Variants in SEM1 observed in about 807,000 individuals in gnomAD.
The protein encoded by SEM1 is 26S proteasome complex subunit SEM1.
SEM1 carries 3 observed loss-of-function variants against 12.7 expected under a neutral mutation model. The ratio of observed to expected loss-of-function variants is 0.24; its 90% CI spans 0.11 to 0.61. The LOEUF is 0.61. Ranked by LOEUF, SEM1 falls within the 20% of genes least tolerant of loss-of-function variation. SEM1 has a pLI of 0.88. For missense variants in SEM1, 59 were observed against 81.3 expected, an observed-to-expected ratio of 0.73 and a Z score of 1.06; for synonymous variants, 30 against 27.8, an observed-to-expected ratio of 1.08 and a Z score of -0.25.
exon 3 of SEM1, chr7:96,673,676 T>C (rs1409640337): frequency 1.4e-6 from 1 of 731,120 alleles, no homozygotes; most frequent in Non-Finnish European, 2.5e-6. Flanking sequence ...ACATGACTAG[T>C]GCTCAATAAT....
intron 2 of SEM1, among the ~76,000 whole-genome samples, chr7:96,628,552 C>A (rs928473563): frequency 3.9e-5 from 6 of 152,144 alleles, no homozygotes; most frequent in African/African-American, 1.4e-4. Flanking sequence ...TATCCTCCCA[C>A]TTTTTAACTG....
In SEM1 at chr7:96,494,211, G is replaced by A. The variant is rs865989767; in HGVS notation, c.12+2073C>T. On this transcript the variant is annotated intron_variant, in intron 1 of 3. Transcript: ENST00000356686. Reference sequence around the variant, plus strand: ...TTTGCATTGTGGTGTACAAACTCGGGCCAGTGAATTTTCAAGGCAAAATGC... The same window carrying A: ...TTTGCATTGTGGTGTACAAACTCGGACCAGTGAATTTTCAAGGCAAAATGC... Among the ~76,000 whole-genome samples, 19 of 152,194 alleles carry A rather than the reference G, an allele frequency of 1.2e-4. No individual in the cohort carries two copies. The Middle Eastern group carries it at 0.01, about 82-fold the overall frequency.
chr7:96,575,931 A>C (rs1293176576), intron 2 of SEM1, among the ~76,000 whole-genome samples: 1 of 152,216 alleles, frequency 6.6e-6, no homozygotes, highest in Non-Finnish European at 1.5e-5. Context: ...AAGACGACAC[A>C]TGTACATCTA....
At chr7:96,537,243 T>C (rs1434094863) in intron 2 of SEM1, among the ~76,000 whole-genome samples, 2 of 151,742 alleles carry the variant, frequency 1.3e-5, no homozygotes, top group East Asian at 1.9e-4. Context: ...TCACTTCTCT[T>C]ATCTATATGT....
At chr7:96,511,697 C>T (rs1006039636) in intron 2 of SEM1, among the ~76,000 whole-genome samples, 1 of 151,878 alleles carries the variant, frequency 6.6e-6, no homozygotes, top group Admixed American at 6.6e-5. Flanking sequence ...CATCAAGGAC[C>T]ATCTAAAAAA....
At chr7:96,651,225 A>T (rs948825565) in intron 2 of SEM1, among the ~76,000 whole-genome samples, 2 of 152,220 alleles carry the variant, frequency 1.3e-5, no homozygotes, top group African/African-American at 4.8e-5. Context: ...CATGTTGGAA[A>T]AGGTGTTAGG....
chr7:96,568,675 C>T (rs1242003320), intron 2 of SEM1, among the ~76,000 whole-genome samples: 1 of 151,820 alleles, frequency 6.6e-6, no homozygotes, highest in African/African-American at 2.4e-5. Context: ...GATTTCTTCT[C>T]TCACCTGACA....
chr7:96,694,549 A>T (rs2115883131), intron 2 of SEM1, among the ~76,000 whole-genome samples: 1 of 152,136 alleles, frequency 6.6e-6, no homozygotes, highest in South Asian at 2.1e-4. Context: ...TAAGGATAAG[A>T]AATAGCAAAT....
At chr7:96,490,714 A>C (rs965150874) in intron 1 of SEM1, among the ~76,000 whole-genome samples, 1 of 152,216 alleles carries the variant, frequency 6.6e-6, no homozygotes, top group African/African-American at 2.4e-5. Flanking sequence ...AAACGTGATC[A>C]CATTGGAAGG....
chr7:96,506,525 A>G (rs1323004448), intron 3 of SEM1: 1 of 152,102 alleles, frequency 6.6e-6, no homozygotes, highest in East Asian at 1.9e-4. Flanking sequence ...GGAAACTCCA[A>G]AATTTAAATG....
At chr7:96,621,899 A>G (rs1807904473), downstream of SEM1, 1 of 152,240 alleles carries the variant, frequency 6.6e-6, no homozygotes, top group Non-Finnish European at 1.5e-5. Flanking sequence ...CTTCTTCCCT[A>G]TAGCTCAGGT....
chr7:96,666,831 G>A (rs560655477), intron 2 of SEM1, among the ~76,000 whole-genome samples: 7 of 151,928 alleles, frequency 4.6e-5, no homozygotes, highest in East Asian at 1.9e-4. Flanking sequence ...ATGTTCGTCC[G>A]GATCCCTGCA....
rs57641153 is a variant in SEM1 at position 96,568,238 on chromosome 7, ATT to A, written c.171-61542_171-61541del. Reference sequence around the variant, plus strand: ...ATTTAAGTTTCTAGAAATGTCAACCATTTTTTTTAGATTTTTAAAATCCATAT... The same window carrying A: ...ATTTAAGTTTCTAGAAATGTCAACCATTTTTTAGATTTTTAAAATCCATAT... On this transcript the variant is annotated intron_variant and NMD_transcript_variant, in intron 2 of 3. Transcript: ENST00000466986. Among the ~76,000 whole-genome samples the A allele has an allele frequency of 1.7e-3, 255 of 151,318 alleles. 2 individuals are homozygous for A. Among genetic ancestry groups the A allele is most frequent in the African/African-American group, 5.7e-3 (235 of 41,340 alleles).
At chr7:96,516,493 T>C (rs1424354343) in intron 2 of SEM1, among the ~76,000 whole-genome samples, 1 of 152,154 alleles carries the variant, frequency 6.6e-6, no homozygotes. Context: ...TCTCCACCTC[T>C]TATATTACCA....
chr7:96,656,999 T>C (rs940865852), intron 2 of SEM1, among the ~76,000 whole-genome samples: 9 of 152,152 alleles, frequency 5.9e-5, no homozygotes, highest in African/African-American at 2.2e-4. Flanking sequence ...TGTGATTATG[T>C]ACCCTAAGAA....
intron 2 of SEM1, among the ~76,000 whole-genome samples, chr7:96,635,929 A>C (rs1229444119): frequency 6.6e-6 from 1 of 152,146 alleles, no homozygotes; most frequent in East Asian, 1.9e-4. Flanking sequence ...AAAAAAAGAA[A>C]GTAATACTTC....
downstream of SEM1, among the ~76,000 whole-genome samples, chr7:96,671,514 G>A (rs913807002): frequency 1.3e-5 from 2 of 152,094 alleles, no homozygotes; most frequent in Admixed American, 1.3e-4. Context: ...AAACTTCAGG[G>A]TAGATAATTT....
chr7:96,504,032 T>C (rs1803663703), intron 3 of SEM1, among the ~76,000 whole-genome samples: 1 of 152,112 alleles, frequency 6.6e-6, no homozygotes, highest in African/African-American at 2.4e-5. Context: ...GTAGTAGTTC[T>C]TAAAAGTTCA....
intron 2 of SEM1, among the ~76,000 whole-genome samples, chr7:96,545,646 T>G (rs933292491): frequency 1.3e-5 from 2 of 152,094 alleles, no homozygotes; most frequent in Non-Finnish European, 2.9e-5. Flanking sequence ...CAGAAAAATC[T>G]AGGTTTCTTA....
Sources: gnomAD v4.1 joint callset for allele counts (sites outside exome capture counted in the v4.1 genomes callset) on GRCh38, gnomAD v4.1.1 for gene constraint, MANE v1.5 for transcripts, NCBI Gene and HGNC (gene_info 2026-07-23, HGNC 2026-07-21) for gene names.